The following STK17A variants were observed in gnomAD, a reference collection of about 807,000 sequenced individuals.
STK17A encodes serine/threonine kinase 17a, also known as serine/threonine-protein kinase 17A.
Under a neutral mutation model 43.7 loss-of-function variants are expected in STK17A, and 26 were observed. The ratio of observed to expected loss-of-function variants is 0.60; its 90% CI spans 0.44 to 0.83. The LOEUF is 0.83. Ranked by LOEUF, STK17A falls within the 40% of genes least tolerant of loss-of-function variation. The pLI is 0.00. For missense variants in STK17A, 476 were observed against 511.6 expected (o/e 0.93, Z 0.67); for synonymous variants, 191 against 182.5 (o/e 1.05, Z -0.38).
In STK17A at chr7:43,583,255, G is replaced by A; in HGVS notation, c.12G>A (p.Leu4=). 2 of 1,548,804 alleles carry A rather than the reference G, an allele frequency of 1.3e-6. No homozygotes were observed. Among genetic ancestry groups the A allele is most frequent in the African/African-American group, 1.4e-5 (1 of 70,030 alleles). ...CGGGCCTGAACACCATGATCCCTTT[G>A]GAGAAGCCAGGCAGCGGCGGCTCCT... MIP[L]EKPGSGGSSP... is the part of the protein sequence containing the mutation. The change falls in exon 1 of 7, where the codon TTG becomes TTA. Residue 4 remains leucine, a synonymous_variant. Coordinates refer to ENST00000319357, the MANE Select transcript of STK17A (RefSeq NM_004760.3).
intron 3 of STK17A, among the ~76,000 whole-genome samples, chr7:43,610,869 C>A (rs1475877932): frequency 1.3e-5 from 2 of 152,126 alleles, no homozygotes; most frequent in East Asian, 1.9e-4. Context: ...GTAATCCCAG[C>A]ACTTTGGGAG....
chr7:43,586,949 C>G (rs1307780684), intron 1 of STK17A, among the ~76,000 whole-genome samples: 2 of 151,122 alleles, frequency 1.3e-5, no homozygotes, highest in African/African-American at 4.8e-5. Flanking sequence ...TCACCACAAG[C>G]CTGTTTGGAA....
In STK17A at chr7:43,619,700, T is replaced by C. The variant is rs1266230649; in HGVS notation, c.668T>C (p.Ile223Thr). 1 of 1,614,024 alleles carries C rather than the reference T, an allele frequency of 6.2e-7. No homozygotes were observed. The highest frequency in any genetic ancestry group is 1.1e-5 in the South Asian group (1 of 91,052). Residue 223 changes from isoleucine to threonine, a missense_variant, in exon 4 of 7, where the codon ATT becomes ACT. By Grantham distance (89) the Ile-to-Thr change is moderately conservative. Transcript: ENST00000319357. ...AAGAACAGTGAAGAGCTCCGAGAAA[T>C]TATGGGTACCCCTGAATATGTGGGT... ...ILKNSEELRE[I>T]MGTPEYVAPE... is the part of the protein sequence containing the mutation.
At chr7:43,624,373 C>G in intron 6 of STK17A, 145 bp from the exon 7 acceptor site, 1 of 781,190 alleles carries the variant, frequency 1.3e-6, no homozygotes, top group Non-Finnish European at 1.9e-6. Context: ...AATTCCAAGA[C>G]TAATAGTTTT....
At chr7:43,591,620 C>G (rs533178153) in intron 1 of STK17A, among the ~76,000 whole-genome samples, 2 of 151,346 alleles carry the variant, frequency 1.3e-5, no homozygotes, top group Non-Finnish European at 3.0e-5. Context: ...AAAGGAGAGC[C>G]GTGGGAACTG....
chr7:43,600,070 A>G (rs567197247), intron 2 of STK17A, among the ~76,000 whole-genome samples: 1 of 152,238 alleles, frequency 6.6e-6, no homozygotes, highest in South Asian at 2.1e-4. Flanking sequence ...CTCTGGAAAC[A>G]CCCTCACGGA....
At chr7:43,597,878 T>G (rs1270247896) in intron 2 of STK17A, among the ~76,000 whole-genome samples, 1 of 152,138 alleles carries the variant, frequency 6.6e-6, no homozygotes, top group Non-Finnish European at 1.5e-5. Flanking sequence ...TGAGCCGAGA[T>G]AGTGCCACTG....
intron 1 of STK17A, among the ~76,000 whole-genome samples, chr7:43,587,426 G>C (rs2082451410): frequency 6.6e-6 from 1 of 151,270 alleles, no homozygotes; most frequent in Non-Finnish European, 1.5e-5. Context: ...TTCCCACTGG[G>C]GCCTTAAAGT....
At chr7:43,612,783 T>G (rs528289290) in intron 3 of STK17A, among the ~76,000 whole-genome samples, 1 of 152,170 alleles carries the variant, frequency 6.6e-6, no homozygotes, top group South Asian at 2.1e-4. Context: ...CAGCCAAATA[T>G]CTTAAATAGA....
chr7:43,604,176 T>A (rs1303353089), intron 2 of STK17A, among the ~76,000 whole-genome samples: 1 of 152,194 alleles, frequency 6.6e-6, no homozygotes, highest in Non-Finnish European at 1.5e-5. Flanking sequence ...TTTACACTGT[T>A]TATAAATTTT....
intron 1 of STK17A, among the ~76,000 whole-genome samples, chr7:43,585,044 A>G (rs536508313): frequency 1.3e-5 from 2 of 152,258 alleles, no homozygotes; most frequent in Admixed American, 6.5e-5. Context: ...CAAAAATACA[A>G]TAATTAGCTG....
chr7:43,597,636 C>T (rs2082526859), intron 2 of STK17A, among the ~76,000 whole-genome samples: 1 of 152,142 alleles, frequency 6.6e-6, no homozygotes, highest in Admixed American at 6.5e-5. Context: ...CCATCCACCT[C>T]GGCCTCCCAA....
intron 2 of STK17A, among the ~76,000 whole-genome samples, chr7:43,605,391 A>G (rs1450528844): frequency 6.6e-6 from 1 of 152,242 alleles, no homozygotes; most frequent in Non-Finnish European, 1.5e-5. Flanking sequence ...GCCCTCCCAA[A>G]GAAGTCTGTT....
At chr7:43,592,918 T>G (rs1411248167) in intron 1 of STK17A, among the ~76,000 whole-genome samples, 2 of 152,150 alleles carry the variant, frequency 1.3e-5, no homozygotes, top group African/African-American at 4.8e-5. Context: ...TTGCACTTAA[T>G]TTTTTAGAAA....
At chr7:43,618,173 C>T (rs146198804) in intron 3 of STK17A, among the ~76,000 whole-genome samples, 1 of 152,292 alleles carries the variant, frequency 6.6e-6, no homozygotes, top group East Asian at 1.9e-4. Context: ...ATAGAGTAAG[C>T]ATGCTGTGTA....
chr7:43,612,773 C>A (rs1180629460), intron 3 of STK17A, among the ~76,000 whole-genome samples: 2 of 150,410 alleles, frequency 1.3e-5, no homozygotes, highest in South Asian at 2.1e-4. Context: ...TGAAGACTGT[C>A]AGCCAAATAT....
At chr7:43,617,031 G>C (rs77662279) in intron 3 of STK17A, among the ~76,000 whole-genome samples, 3 of 152,178 alleles carry the variant, frequency 2.0e-5, no homozygotes, top group Non-Finnish European at 4.4e-5. Flanking sequence ...AAGAAGAACA[G>C]AAAAAAGCGT....
intron 6 of STK17A, among the ~76,000 whole-genome samples, 190 bp downstream of exon 6, chr7:43,624,078 A>G (rs1339988291): frequency 2.0e-5 from 3 of 152,220 alleles, no homozygotes; most frequent in East Asian, 1.9e-4. Flanking sequence ...AACTTGAAAG[A>G]AAAGGGGGCA....
At chr7:43,606,191 TTCTATC>T (rs1162940069) in intron 2 of STK17A, among the ~76,000 whole-genome samples, 1 of 152,214 alleles carries the variant, frequency 6.6e-6, no homozygotes, top group Non-Finnish European at 1.5e-5. Context: ...GTAATTATCT[TTCTATC>T]TCTAGGATGG....
Sources: allele counts gnomAD v4.1 joint callset (sites outside exome capture counted in the v4.1 genomes callset), GRCh38; gene constraint gnomAD v4.1.1; transcripts MANE v1.5; gene names NCBI Gene and HGNC (gene_info 2026-07-23, HGNC 2026-07-21).